The following GABRG3 variants were observed in gnomAD, a reference collection of about 807,000 sequenced individuals.
The protein encoded by GABRG3 is gamma-aminobutyric acid type A receptor subunit gamma3, also known as gamma-aminobutyric acid receptor subunit gamma-3.
In GABRG3, 25 loss-of-function variants were observed where a neutral mutation model predicts 48.8. That is an observed-to-expected ratio of 0.51 (90% confidence interval 0.37 to 0.72). GABRG3 has a LOEUF of 0.72. Ranked by LOEUF, GABRG3 falls within the 30% of genes least tolerant of loss-of-function variation. The pLI is 0.00. For missense variants in GABRG3, 394 were observed against 577.9 expected, an observed-to-expected ratio of 0.68 and a Z score of 3.26; for synonymous variants, 227 against 217.6, an observed-to-expected ratio of 1.04 and a Z score of -0.38.
At chr15:27,343,440 A>G (rs760729816) in intron 5 of GABRG3, among the ~76,000 whole-genome samples, 10 of 152,256 alleles carry the variant, frequency 6.6e-5, no homozygotes, top group Non-Finnish European at 1.0e-4. Flanking sequence ...TATTTTGGTT[A>G]TAAGTTGCTA....
chr15:27,265,882 G>GT (rs57522857), intron 3 of GABRG3, among the ~76,000 whole-genome samples: 3,599 of 127,576 alleles, frequency 0.028, 381 homozygotes, highest in African/African-American at 0.092. Flanking sequence ...TTTTCTCCTG[G>GT]TTTTTTTTTT....
At chr15:27,405,855 G>GT (rs1566826760) in intron 5 of GABRG3, among the ~76,000 whole-genome samples, 117 of 151,856 alleles carry the variant, frequency 7.7e-4, no homozygotes, top group African/African-American at 2.7e-3. Flanking sequence ...AGGACTGGGG[G>GT]AGGGAATATA....
intron 3 of GABRG3, among the ~76,000 whole-genome samples, chr15:27,181,096 C>T (rs1393894004): frequency 2.0e-5 from 3 of 152,096 alleles, no homozygotes; most frequent in Non-Finnish European, 2.9e-5. Flanking sequence ...TCTGTGGCTC[C>T]CAGCATGCAG....
At chr15:27,459,941 T>C (rs1305970706) in intron 5 of GABRG3, among the ~76,000 whole-genome samples, 1 of 152,084 alleles carries the variant, frequency 6.6e-6, no homozygotes, top group Non-Finnish European at 1.5e-5. Context: ...ATTTTGAGAG[T>C]GAGGGAAAGG....
At chr15:27,034,570 G>T (rs549464079) in intron 3 of GABRG3, among the ~76,000 whole-genome samples, 6 of 152,158 alleles carry the variant, frequency 3.9e-5, no homozygotes, top group East Asian at 1.9e-4. Context: ...CACAAGCTTT[G>T]TGGGAATGAT....
intron 3 of GABRG3, among the ~76,000 whole-genome samples, chr15:27,316,256 C>T (rs1359710782): frequency 2.6e-5 from 4 of 151,168 alleles, no homozygotes; most frequent in South Asian, 2.1e-4. Flanking sequence ...GGCCTAGTGG[C>T]GGGCGCCTGT....
In GABRG3 at chr15:27,447,474, A is replaced by G. The variant is rs373196810; in HGVS notation, c.575-33176A>G. ...TAAACCTGAAGTGTCCAAGTGGGGG[A>G]GATGCCATAATTATAGTGAGAAATT... On this transcript the variant is annotated intron_variant, in intron 5 of 9. Coordinates refer to ENST00000615808, the MANE Select transcript of GABRG3 (RefSeq NM_033223.5). This position sits in a 1 kb window ranked among gnomAD's most constrained non-coding sequence, Gnocchi z 4.0. Among the ~76,000 whole-genome samples the G allele has an allele frequency of 2.0e-4, 31 of 152,214 alleles. No homozygotes were observed. In the South Asian group the frequency reaches 6.2e-3, roughly 31 times the overall value.
chr15:27,106,836 C>A (rs1897458462), intron 3 of GABRG3, among the ~76,000 whole-genome samples: 4 of 151,984 alleles, frequency 2.6e-5, no homozygotes, highest in African/African-American at 9.7e-5. Flanking sequence ...TGGACTAATT[C>A]TTCAAAAACT....
At chr15:27,486,040 G>T (rs1003159918) in intron 6 of GABRG3, among the ~76,000 whole-genome samples, 3 of 152,112 alleles carry the variant, frequency 2.0e-5, no homozygotes, top group Non-Finnish European at 4.4e-5. Flanking sequence ...AATGCGCAGC[G>T]TTTTTTTCTT....
At chr15:27,095,464 G>C (rs4377134) in intron 3 of GABRG3, among the ~76,000 whole-genome samples, 74,033 of 149,298 alleles carry the variant, frequency 0.5, 18,906 homozygotes, top group African/African-American at 0.66. Context: ...TGTAGGTCTC[G>C]GTCTCCACAT....
At chr15:27,419,715 A>G (rs1220266426) in intron 5 of GABRG3, among the ~76,000 whole-genome samples, 1 of 152,186 alleles carries the variant, frequency 6.6e-6, no homozygotes, top group Non-Finnish European at 1.5e-5. Flanking sequence ...GCTTTGAGGT[A>G]AGAGATGGTT....
chr15:27,449,070 A>T lies in GABRG3; in HGVS notation c.575-31580A>T, dbSNP rs189319954. Among the ~76,000 whole-genome samples the T allele has an allele frequency of 2.5e-3, 379 of 152,310 alleles. 1 individual carries two copies. The highest frequency in any genetic ancestry group is 9.0e-3 in the African/African-American group (374 of 41,566). On this transcript the variant is annotated intron_variant, in intron 5 of 9. Transcript: ENST00000615808. ...CCTGTCCAAAATGTGTTTGTGACAG[A>T]TACATGGTCTGACTTCCTTTCTTTT...
chr15:27,435,285 T>C (rs1395414418), intron 5 of GABRG3, among the ~76,000 whole-genome samples: 1 of 151,824 alleles, frequency 6.6e-6, no homozygotes, highest in Non-Finnish European at 1.5e-5. Context: ...TAGCAGAGTT[T>C]TGCAAGTGTC....
chr15:26,982,401 T>C (rs1895072627), intron 2 of GABRG3, among the ~76,000 whole-genome samples: 2 of 152,030 alleles, frequency 1.3e-5, no homozygotes, highest in Admixed American at 6.6e-5. Flanking sequence ...AGGTAGAAAA[T>C]TGCAAATGGG....
At chr15:27,307,657 G>T (rs1425183710) in intron 3 of GABRG3, among the ~76,000 whole-genome samples, 2 of 103,918 alleles carry the variant, frequency 1.9e-5, no homozygotes, top group Non-Finnish European at 3.4e-5. Flanking sequence ...AGGTTTATAG[G>T]TTTATATATT....
intron 3 of GABRG3, among the ~76,000 whole-genome samples, chr15:27,090,034 C>A (rs1310610597): frequency 6.6e-6 from 1 of 152,174 alleles, no homozygotes; most frequent in Non-Finnish European, 1.5e-5. Context: ...TGTTTGAACA[C>A]CTGTTTTCAG....
intron 3 of GABRG3, among the ~76,000 whole-genome samples, chr15:27,088,189 C>G (rs1419208916): frequency 6.8e-6 from 1 of 148,130 alleles, no homozygotes; most frequent in East Asian, 2.0e-4. Context: ...GAAAGGCAGC[C>G]TTGCAGGCGG....
At chr15:27,209,115 T>G (rs1888982932) in intron 3 of GABRG3, among the ~76,000 whole-genome samples, 1 of 152,134 alleles carries the variant, frequency 6.6e-6, no homozygotes, top group South Asian at 2.1e-4. Flanking sequence ...GAGATCTGTG[T>G]CTGCGAGGGA....
chr15:27,397,187 G>T (rs1887327196), intron 5 of GABRG3, among the ~76,000 whole-genome samples: 1 of 152,154 alleles, frequency 6.6e-6, no homozygotes, highest in Non-Finnish European at 1.5e-5. Context: ...CTACATGGAA[G>T]GGGGCGGGGG....
Sources: gnomAD v4.1 joint callset for allele counts (sites outside exome capture counted in the v4.1 genomes callset) on GRCh38, gnomAD v4.1.1 for gene constraint, Gnocchi (gnomAD v3.1) non-coding constraint, MANE v1.5 for transcripts, NCBI Gene and HGNC (gene_info 2026-07-23, HGNC 2026-07-21) for gene names.